Variants in ELK3 observed in about 807,000 individuals in gnomAD.
ELK3 encodes the protein ETS transcription factor ELK3.
Under a neutral mutation model 28.9 loss-of-function variants are expected in ELK3, and 10 were observed. That is an observed-to-expected ratio of 0.35 (90% CI 0.21 to 0.59). The LOEUF (loss-of-function observed/expected upper bound fraction) is 0.59. ELK3 is among the 20% of genes least tolerant of loss of function. The pLI is 0.82. For missense variants in ELK3, 463 were observed against 517.3 expected (o/e 0.90, Z 1.02); for synonymous variants, 272 against 243.5 (o/e 1.12, Z -1.09).
chr12:96,214,972 A>G (rs1000321320), intron 1 of ELK3, among the ~76,000 whole-genome samples: 8 of 152,214 alleles, frequency 5.3e-5, no homozygotes, highest in Non-Finnish European at 1.2e-4. Flanking sequence ...TTCAGTAAGA[A>G]GTGTTCAAAT....
chr12:96,223,908 T>C, intron 2 of ELK3, 135 bp downstream of exon 2: 2 of 892,536 alleles, frequency 2.2e-6, no homozygotes, highest in South Asian at 3.4e-5. Context: ...TACCTTCTTT[T>C]TGGAGAAAAG....
At position 96,194,525 on chromosome 12, in the gene ELK3, T is replaced by G. The variant is rs1401013625; in HGVS notation, c.-183T>G. 6.7e-6 allele frequency: 1 copy of G among 149,046 alleles called. No homozygotes were observed. The highest frequency in any genetic ancestry group is 1.5e-5 in the Non-Finnish European group (1 of 67,294). The allele number at this position is 149,046 out of a possible 1,614,324, so 9.2% of individuals were successfully genotyped here. A position where few individuals can be genotyped will look rare whatever the true frequency, so the allele number is the denominator to read the frequency against. On this transcript the variant is annotated 5_prime_UTR_variant, in exon 1 of 5. Coordinates refer to ENST00000228741, the MANE Select transcript of ELK3 (RefSeq NM_005230.4). Reference sequence around the variant, plus strand: ...CGGCCTGACTGCTCCAACTTCCTGCTCTCACACACACCAGAGGGGAAAAAA... The same window carrying G: ...CGGCCTGACTGCTCCAACTTCCTGCGCTCACACACACCAGAGGGGAAAAAA...
At chr12:96,233,426 A>G (rs551906634) in intron 2 of ELK3, among the ~76,000 whole-genome samples, 1 of 152,292 alleles carries the variant, frequency 6.6e-6, no homozygotes, top group Non-Finnish European at 1.5e-5. Context: ...TCCCGTCTCC[A>G]CAGCAACCTC....
chr12:96,229,469 T>A (rs1951725851), intron 2 of ELK3, among the ~76,000 whole-genome samples: 1 of 151,166 alleles, frequency 6.6e-6, no homozygotes, highest in Non-Finnish European at 1.5e-5. Context: ...CTCACTCGGA[T>A]CGCTGCCCCC....
chr12:96,249,174 G>A (rs1257865090), intron 3 of ELK3, among the ~76,000 whole-genome samples: 1 of 152,164 alleles, frequency 6.6e-6, no homozygotes. Flanking sequence ...TGGTAGAGGT[G>A]GCTTTGGATC....
In ELK3 at chr12:96,267,073, C is replaced by G; in HGVS notation, c.1126-9C>G. On this transcript the variant is annotated splice_polypyrimidine_tract_variant and intron_variant, in intron 4 of 4. Transcript: ENST00000228741. Reference sequence around the variant, plus strand: ...AATAATTATTGTAAAAATCTTTTGTCCCCTACAGTTCCCCACACTGCTTAA... The same window carrying G: ...AATAATTATTGTAAAAATCTTTTGTGCCCTACAGTTCCCCACACTGCTTAA... 1 of 1,604,458 alleles carries G rather than the reference C, an allele frequency of 6.2e-7. No homozygotes were observed. The highest frequency in any genetic ancestry group is 8.5e-7 in the Non-Finnish European group (1 of 1,176,884).
chr12:96,261,698 CA>C (rs1382693312), intron 4 of ELK3, among the ~76,000 whole-genome samples: 3 of 152,106 alleles, frequency 2.0e-5, no homozygotes, highest in Non-Finnish European at 4.4e-5. Context: ...CAGGCCTTGG[CA>C]ACCTCCTAGG....
intron 2 of ELK3, among the ~76,000 whole-genome samples, chr12:96,229,775 C>T (rs1226102526): frequency 1.3e-5 from 2 of 152,112 alleles, no homozygotes; most frequent in Non-Finnish European, 2.9e-5. Context: ...TGTGATCTGC[C>T]TGCCTCATCC....
chr12:96,241,729 GGAC>G (rs1431961600), intron 2 of ELK3, among the ~76,000 whole-genome samples: 1 of 152,202 alleles, frequency 6.6e-6, no homozygotes, highest in Non-Finnish European at 1.5e-5. Context: ...TGTCCCAAAG[GGAC>G]GACTTGCCCT....
chr12:96,213,565 ACTC>A (rs1951590738), intron 1 of ELK3, among the ~76,000 whole-genome samples: 1 of 152,094 alleles, frequency 6.6e-6, no homozygotes. Flanking sequence ...ATCATTTACT[ACTC>A]ACCCATATAA....
At chr12:96,210,344 A>G (rs1288682679) in intron 1 of ELK3, among the ~76,000 whole-genome samples, 1 of 152,078 alleles carries the variant, frequency 6.6e-6, no homozygotes, top group African/African-American at 2.4e-5. Context: ...TTTTAAAGGA[A>G]AGTTTTGGAG....
In ELK3 at chr12:96,247,052, T is replaced by G; in HGVS notation, c.320T>G (p.Leu107Arg). The G allele has an allele frequency of 6.2e-7, 1 of 1,614,130 alleles. No individual in the cohort carries two copies. The highest frequency in any genetic ancestry group is 1.7e-5 in the Admixed American group (1 of 60,020). Reference protein sequence around the residue: ...AVEISRESLLLQDSDCKASPE... With the variant: ...AVEISRESLLRQDSDCKASPE... The stretch of plus-strand genomic sequence containing the variant: ...GAGATCAGCCGGGAGAGCCTTCTGC[T>G]GCAGGACAGCGACTGCAAGGCGTCT... Residue 107 changes from leucine to arginine, a missense_variant, in exon 3 of 5, where the codon CTG becomes CGG. Leu to Arg is a moderately radical substitution (Grantham distance 102). Transcript: ENST00000228741. The surrounding 1 kb of genome is among the most constrained non-coding windows in gnomAD (Gnocchi z 5.5).
intron 4 of ELK3, among the ~76,000 whole-genome samples, chr12:96,266,642 T>C (rs1952033247): frequency 6.6e-6 from 1 of 152,192 alleles, no homozygotes; most frequent in South Asian, 2.1e-4. Flanking sequence ...GAAAAACTGA[T>C]GGCAAATTTC....
intron 2 of ELK3, among the ~76,000 whole-genome samples, chr12:96,228,442 A>AAAAAAAAAAAAAAAAAAAAAAG (rs761298726): frequency 9.8e-5 from 14 of 142,640 alleles, no homozygotes; most frequent in South Asian, 2.3e-4. Flanking sequence ...AAAAAAAAAA[A>AAAAAAAAAAAAAAAAAAAAAAG]AAGAAGATCA....
rs534270484 is a variant in ELK3 at position 96,252,913 on chromosome 12, G to A, written c.1002+5179G>A. On this transcript the variant is annotated intron_variant, in intron 3 of 4. Transcript: ENST00000228741. ...CAATTTTGAAAGAAGTTCTACTCTG[G>A]GTAAAATGCTATCAAACAGCATCAC... 2.3e-3 allele frequency among the ~76,000 whole-genome samples: 343 copies of A among 152,302 alleles called. 1 individual carries two copies. The highest frequency in any genetic ancestry group is 5.9e-3 in the Admixed American group (90 of 15,286).
At chr12:96,230,855 T>C (rs2137020589) in intron 2 of ELK3, among the ~76,000 whole-genome samples, 1 of 152,276 alleles carries the variant, frequency 6.6e-6, no homozygotes, top group East Asian at 1.9e-4. Flanking sequence ...GGGTTCCGCA[T>C]CCGAGCTCCA....
chr12:96,201,648 A>G (rs2136999247), intron 1 of ELK3, among the ~76,000 whole-genome samples: 1 of 151,666 alleles, frequency 6.6e-6, no homozygotes, highest in East Asian at 1.9e-4. Flanking sequence ...TCAAGTCGGA[A>G]GCCCTATTTG....
chr12:96,266,906 A>C (rs1952036352), intron 4 of ELK3, among the ~76,000 whole-genome samples, 176 bp from the exon 5 acceptor site: 1 of 152,224 alleles, frequency 6.6e-6, no homozygotes, highest in Non-Finnish European at 1.5e-5. Context: ...TGCTCTATGT[A>C]AATCTTGATC....
intron 1 of ELK3, among the ~76,000 whole-genome samples, chr12:96,198,581 C>T (rs1462586130): frequency 1.3e-5 from 2 of 152,104 alleles, no homozygotes; most frequent in Non-Finnish European, 2.9e-5. Context: ...CTGTATAGAT[C>T]GACTTATAAC....
Sources: gnomAD v4.1 joint callset for allele counts (sites outside exome capture counted in the v4.1 genomes callset) on GRCh38, gnomAD v4.1.1 for gene constraint, Gnocchi (gnomAD v3.1) non-coding constraint, MANE v1.5 for transcripts, NCBI Gene and HGNC (gene_info 2026-07-23, HGNC 2026-07-21) for gene names.